CLSPN: variants seen among roughly 807,000 people sequenced by gnomAD.
The protein encoded by CLSPN is claspin homolog.
Under a neutral mutation model 156.3 loss-of-function variants are expected in CLSPN, and 85 were observed. The observed-to-expected ratio is 0.54, with a 90% CI of 0.46 to 0.65. CLSPN has a LOEUF of 0.65. CLSPN is among the 30% of genes least tolerant of loss of function. The pLI is 0.00. For synonymous variants in CLSPN, 534 were observed against 542.4 expected (o/e 0.98, Z 0.22); for missense variants, 1,407 against 1,554.9 (o/e 0.90, Z 1.60).
rs1571206283 is a variant in CLSPN, at chr1:35,748,857, GCT to G, written c.2273-255_2273-254del. The G allele has an allele frequency of 7.9e-6, 3 of 380,728 alleles. No homozygotes were observed. In the East Asian group the frequency reaches 1.6e-4, roughly 20 times the overall value. The allele number at this position is 380,728 out of a possible 1,614,324, so 23.6% of individuals were successfully genotyped here. ...TTTTTTTTTTTTTTGAGACAGTCTC[GCT>G]CTGTCACCCCAGCTGGAGTGTAGTG... On this transcript the variant is annotated intron_variant, in intron 12 of 24. Transcript: ENST00000318121.
chr1:35,721,904 C>T (rs1296046742), intron 24 of CLSPN, among the ~76,000 whole-genome samples: 1 of 151,804 alleles, frequency 6.6e-6, no homozygotes, highest in Admixed American at 6.6e-5. Flanking sequence ...TTTGGGAGGC[C>T]GAGGCAGGCG....
intron 3 of CLSPN, among the ~76,000 whole-genome samples, chr1:35,763,703 G>A (rs1642563911): frequency 6.6e-6 from 1 of 151,942 alleles, no homozygotes; most frequent in Non-Finnish European, 1.5e-5. Flanking sequence ...TACTCCATGT[G>A]CTCATAAAGA....
chr1:35,730,585 AAAAAAAGAAC>A (rs1641289607), downstream of CLSPN, among the ~76,000 whole-genome samples: 1 of 150,790 alleles, frequency 6.6e-6, no homozygotes, highest in African/African-American at 2.4e-5. Context: ...AAAAAAAAAA[AAAAAAAGAAC>A]AAGAAACTCA....
intron 16 of CLSPN, 56 bp downstream of exon 16, chr1:35,745,395 T>C: frequency 8.3e-7 from 1 of 1,204,846 alleles, no homozygotes; most frequent in Non-Finnish European, 1.2e-6. Flanking sequence ...TGATCAGTTA[T>C]TTTGATTTTA....
intron 4 of CLSPN, 48 bp from the exon 5 acceptor site, chr1:35,762,529 G>A (rs1642518562): frequency 6.9e-7 from 1 of 1,456,330 alleles, no homozygotes; most frequent in Non-Finnish European, 9.6e-7. Context: ...ATTCAAATAA[G>A]AGGATGCTTT....
chr1:35,764,177 G>A, intron 3 of CLSPN, 89 bp downstream of exon 3: 1 of 755,360 alleles, frequency 1.3e-6, no homozygotes, highest in South Asian at 1.9e-5. Context: ...GCAATAGTCA[G>A]AGAGCAGAAA....
intron 13 of CLSPN, 41 bp downstream of exon 13, chr1:35,748,364 G>A (rs1641962594): frequency 1.9e-6 from 3 of 1,561,618 alleles, no homozygotes; most frequent in Non-Finnish European, 2.6e-6. Flanking sequence ...AATGTGGGAA[G>A]CAAAGAGAGG....
chr1:35,758,178 T>G (rs1642342500), intron 8 of CLSPN, among the ~76,000 whole-genome samples: 2 of 152,006 alleles, frequency 1.3e-5, no homozygotes, highest in Admixed American at 1.3e-4. Flanking sequence ...TTTGTGTTTT[T>G]TTTTTTTTTA....
chr1:35,743,870 C>T (rs1641782289), intron 16 of CLSPN, among the ~76,000 whole-genome samples: 1 of 152,154 alleles, frequency 6.6e-6, no homozygotes, highest in African/African-American at 2.4e-5. Flanking sequence ...AATCTGCTTG[C>T]CTTGGGCTCC....
intron 24 of CLSPN, among the ~76,000 whole-genome samples, chr1:35,721,461 C>A (rs576485429): frequency 6.6e-6 from 1 of 152,286 alleles, no homozygotes; most frequent in Admixed American, 6.5e-5. Context: ...GATCTCAGCT[C>A]ACTGCAACCT....
rs1318157959 is a variant in CLSPN at position 35,736,961 on chromosome 1, G to C, written c.3862C>G (p.Leu1288Val). 1 of 1,614,064 alleles carries C rather than the reference G, an allele frequency of 6.2e-7. No homozygotes were observed. Among genetic ancestry groups the C allele is most frequent in the Non-Finnish European group, 8.5e-7 (1 of 1,180,024 alleles). The stretch of plus-strand genomic sequence containing the variant: ...GCCGCCTCAGCCTTGACAGGAGAAA[G>C]TGTATGAAAGACAAAGTTTCTTGAA... ...RNSRNFVFHT[L>V]SPVKAEAAKE... Residue 1288 changes from leucine to valine, a missense_variant, in exon 24 of 25, where the codon CTT (leucine) becomes GTT (valine). Coordinates refer to ENST00000318121, the MANE Select transcript of CLSPN (RefSeq NM_022111.4).
intron 1 of CLSPN, among the ~76,000 whole-genome samples, chr1:35,769,478 G>T (rs541873251): frequency 9.2e-5 from 14 of 152,208 alleles, no homozygotes; most frequent in African/African-American, 3.4e-4. Context: ...GGCCGGGTTC[G>T]GCTAGAGCCT....
intron 12 of CLSPN, chr1:35,748,813 G>C: frequency 2.3e-6 from 1 of 430,012 alleles, no homozygotes; most frequent in African/African-American, 2.2e-5. Context: ...AGTGACACTT[G>C]AAAGTTCTTT....
intron 24 of CLSPN, among the ~76,000 whole-genome samples, chr1:35,726,169 A>AAAAAAAAAAAAAAAAAAAC (rs1641184239): frequency 6.7e-6 from 1 of 150,326 alleles, no homozygotes; most frequent in Non-Finnish European, 1.5e-5. Flanking sequence ...AAAAAAAAAA[A>AAAAAAAAAAAAAAAAAAAC]AAAAAAGCGC....
chr1:35,761,146 G>T lies in CLSPN; in HGVS notation c.954C>A (p.Phe318Leu), dbSNP rs756616055. ...GGCAAGTGGGCCGGGGTTTACGTTT[G>T]AAGAAATCATGAATGGTTTTATTCT... ...MPENKTIHDF[F>L]KRKPRPTCHG... The change falls in exon 7 of 25, where the codon TTC becomes TTA. Residue 318 changes from phenylalanine to leucine, a missense_variant. By Grantham distance (22) the Phe-to-Leu change is conservative. This residue lies in a region of CLSPN where 1,096 missense variants were observed against 1,193.0 expected (regional missense o/e 0.92). Transcript: ENST00000318121. The T allele has an allele frequency of 1.9e-5, 30 of 1,613,788 alleles. No homozygotes were observed. Among genetic ancestry groups the T allele is most frequent in the Non-Finnish European group, 2.3e-5 (27 of 1,179,820 alleles).
intron 8 of CLSPN, among the ~76,000 whole-genome samples, chr1:35,755,817 T>C (rs1482948589): frequency 6.6e-6 from 1 of 152,198 alleles, no homozygotes; most frequent in Non-Finnish European, 1.5e-5. Flanking sequence ...TAAGCATTCC[T>C]CCTACCTCAC....
At position 35,738,800 on chromosome 1, in the gene CLSPN, CTTTT is replaced by C. The variant is rs66781105; in HGVS notation, c.3431-222_3431-219del. On this transcript the variant is annotated intron_variant, in intron 20 of 24. Transcript: ENST00000318121. ...GACAAATATGCATTGTAACTGTTTGCTTTTTTTTTTTTTTTTTTGAGATGGAGTC... is the reference window on the plus strand; with the variant it reads ...GACAAATATGCATTGTAACTGTTTGCTTTTTTTTTTTTTTGAGATGGAGTC... Among the ~76,000 whole-genome samples the C allele has an allele frequency of 3.4e-4, 33 of 96,354 alleles. 1 individual carries two copies. Among genetic ancestry groups the C allele is most frequent in the African/African-American group, 1.0e-3 (30 of 29,406 alleles). 63.2% of individuals were successfully genotyped at this position (96,354 alleles called of 152,430 possible).
Position 35,732,638 on chromosome 1 carries a change from A to ACG in CLSPN, c.*3857_*3858insCG. 1 of 985,394 alleles carries ACG rather than the reference A, an allele frequency of 1.0e-6. No homozygotes were observed. The highest frequency in any genetic ancestry group is 1.2e-6 in the Non-Finnish European group (1 of 829,916). The allele number at this position is 985,394 out of a possible 1,614,324, so 61.0% of individuals were successfully genotyped here. On this transcript the variant is annotated 3_prime_UTR_variant, in exon 25 of 25. Coordinates refer to ENST00000318121, the MANE Select transcript of CLSPN (RefSeq NM_022111.4). ...AAACAAAAACACTGACACTGAGCCT[A>ACG]CCCTATCTCCCACACTCATGGGCTC...
chr1:35,731,178 C>A (rs546395641), downstream of CLSPN, among the ~76,000 whole-genome samples: 1 of 142,460 alleles, frequency 7.0e-6, no homozygotes, highest in Non-Finnish European at 1.5e-5. Flanking sequence ...CCAGCCTGGG[C>A]GACAGGGCGA....
Sources: allele counts gnomAD v4.1 joint callset (sites outside exome capture counted in the v4.1 genomes callset), GRCh38; gene constraint gnomAD v4.1.1; regional missense constraint gnomAD v4.1.1; transcripts MANE v1.5; gene names NCBI Gene and HGNC (gene_info 2026-07-23, HGNC 2026-07-21).